Variants in WWC2 observed in about 807,000 individuals in gnomAD.
The protein encoded by WWC2 is protein WWC2.
Under a neutral mutation model 138.5 loss-of-function variants are expected in WWC2, and 101 were observed. That is an observed-to-expected ratio of 0.73 (90% CI 0.62 to 0.86). The LOEUF (loss-of-function observed/expected upper bound fraction) is 0.86. Ranked by LOEUF, WWC2 falls within the 40% of genes least tolerant of loss-of-function variation. The probability of loss-of-function intolerance (pLI) is 0.00; values close to 1 mark genes in which losing one functional copy is unlikely to be tolerated. For missense variants in WWC2, 1,420 were observed against 1,419.4 expected (o/e 1.00, Z -0.01); for synonymous variants, 558 against 538.4 (o/e 1.04, Z -0.50).
At chr4:183,107,188 GTC>G (rs1421339233) in intron 1 of WWC2, among the ~76,000 whole-genome samples, 1 of 151,396 alleles carries the variant, frequency 6.6e-6, no homozygotes, top group Non-Finnish European at 1.5e-5. Flanking sequence ...GACGGAGCCG[GTC>G]TCTCTTGCCC....
intron 21 of WWC2, among the ~76,000 whole-genome samples, chr4:183,312,028 CTA>C (rs1739267002): frequency 6.6e-6 from 1 of 152,284 alleles, no homozygotes; most frequent in Non-Finnish European, 1.5e-5. Flanking sequence ...GGAAACAGTG[CTA>C]TGAGTAATTT....
intron 1 of WWC2, among the ~76,000 whole-genome samples, chr4:183,164,347 ATT>A (rs1561443903): frequency 0.011 from 4 of 360 alleles, no homozygotes; most frequent in African/African-American, 0.022. Flanking sequence ...ACATATATAT[ATT>A]ATATATACAT....
intron 1 of WWC2, among the ~76,000 whole-genome samples, chr4:183,163,339 T>A (rs1455013106): frequency 6.6e-6 from 1 of 152,098 alleles, no homozygotes; most frequent in African/African-American, 2.4e-5. Context: ...ATCAGTGGAG[T>A]GCAGCTGGAA....
chr4:183,312,582 G>C (rs1739293901), intron 22 of WWC2, 114 bp downstream of exon 22: 1 of 1,448,598 alleles, frequency 6.9e-7, no homozygotes, highest in African/African-American at 1.4e-5. Flanking sequence ...GAAGTCCTCT[G>C]TTCTCTACCT....
chr4:183,178,634 C>T (rs987972597), intron 1 of WWC2, among the ~76,000 whole-genome samples: 4 of 151,400 alleles, frequency 2.6e-5, no homozygotes, highest in African/African-American at 7.3e-5. Flanking sequence ...GCACCAGATA[C>T]TTCCCCACAA....
In WWC2 at chr4:183,320,107, G is replaced by T. The variant is rs774234870; in HGVS notation, c.*4378G>T. 10 of 1,614,144 alleles carry T rather than the reference G, an allele frequency of 6.2e-6. No homozygotes were observed. Among genetic ancestry groups the T allele is most frequent in the Non-Finnish European group, 7.6e-6 (9 of 1,180,024 alleles). The stretch of plus-strand genomic sequence containing the variant: ...CAGTTTTCCATTTCATTTAAGTCCA[G>T]GTTGAGGTTCTTCCAGTGTGGCAGG... On this transcript the variant is annotated 3_prime_UTR_variant, in exon 23 of 23. Transcript: ENST00000403733.
At chr4:183,313,185 G>A (rs532639626) in intron 22 of WWC2, among the ~76,000 whole-genome samples, 31 of 152,334 alleles carry the variant, frequency 2.0e-4, no homozygotes, top group African/African-American at 7.2e-4. Flanking sequence ...AAGCTCTGGC[G>A]CATGGGGAGT....
intron 4 of WWC2, among the ~76,000 whole-genome samples, chr4:183,234,783 T>G (rs1011804878): frequency 6.6e-6 from 1 of 152,206 alleles, no homozygotes; most frequent in African/African-American, 2.4e-5. Context: ...AAAGCACTTA[T>G]GAACTTAGCT....
chr4:183,222,466 G>T (rs980256680), intron 4 of WWC2, among the ~76,000 whole-genome samples: 2 of 151,810 alleles, frequency 1.3e-5, no homozygotes, highest in African/African-American at 2.4e-5. Flanking sequence ...CTTTTATCAA[G>T]AAATATAGTG....
intron 1 of WWC2, among the ~76,000 whole-genome samples, chr4:183,180,414 C>G (rs996601312): frequency 1.3e-5 from 2 of 152,052 alleles, no homozygotes; most frequent in Non-Finnish European, 2.9e-5. Flanking sequence ...GTTTAGTATT[C>G]GTAGAATACT....
intron 2 of WWC2, among the ~76,000 whole-genome samples, chr4:183,196,853 G>C (rs1179880695): frequency 1.3e-5 from 2 of 152,106 alleles, no homozygotes; most frequent in East Asian, 3.9e-4. Flanking sequence ...CCACCTCACA[G>C]GTCCCCGTCC....
intron 20 of WWC2, 138 bp from the exon 21 acceptor site, chr4:183,289,255 C>G (rs966415413): frequency 6.1e-5 from 79 of 1,295,566 alleles, no homozygotes; most frequent in Non-Finnish European, 7.7e-5. Context: ...TGGGCCAGAG[C>G]GAGTTGCTCC....
At chr4:183,117,073 C>A (rs903901502) in intron 1 of WWC2, among the ~76,000 whole-genome samples, 1 of 152,062 alleles carries the variant, frequency 6.6e-6, no homozygotes, top group Non-Finnish European at 1.5e-5. Flanking sequence ...TTCTGTGGAA[C>A]CATCTCCTTT....
intron 1 of WWC2, among the ~76,000 whole-genome samples, chr4:183,156,919 CAT>C (rs1733823114): frequency 6.6e-6 from 1 of 152,176 alleles, no homozygotes; most frequent in Admixed American, 6.5e-5. Flanking sequence ...TATACACACA[CAT>C]ACATCTCTTC....
At position 183,320,206 on chromosome 4, in the gene WWC2, A is replaced by G. The variant is rs1221419096; in HGVS notation, c.*4477A>G. On this transcript the variant is annotated 3_prime_UTR_variant, in exon 23 of 23. Coordinates refer to ENST00000403733, the MANE Select transcript of WWC2 (RefSeq NM_024949.6). ...CCAGCTAGTTGAGCTACAGTTCTAA[A>G]TACTAAAGCCATTATAATGTCCTGA... 3.7e-6 allele frequency: 6 copies of G among 1,613,456 alleles called. No individual in the cohort carries two copies. The highest frequency in any genetic ancestry group is 2.2e-5 in the East Asian group (1 of 44,888).
At chr4:183,282,614 G>T (rs1263941417) in intron 17 of WWC2, 94 bp from the exon 18 acceptor site, 1 of 1,275,254 alleles carries the variant, frequency 7.8e-7, no homozygotes, top group Non-Finnish European at 1.1e-6. Context: ...GTGTGAGTCT[G>T]TTTATTTCCC....
chr4:183,284,177 ATGTTTAC>A, intron 18 of WWC2, 42 bp from the exon 19 acceptor site: 1 of 1,597,596 alleles, frequency 6.3e-7, no homozygotes, highest in Non-Finnish European at 8.6e-7. Context: ...AAGGAGCATA[ATGTTTAC>A]ACATCTTTCA....
At chr4:183,186,372 C>T (rs1017369180) in intron 1 of WWC2, among the ~76,000 whole-genome samples, 10 of 152,108 alleles carry the variant, frequency 6.6e-5, no homozygotes, top group African/African-American at 2.2e-4. Context: ...AGAGTGTATT[C>T]GTGAAGTAAC....
intron 4 of WWC2, among the ~76,000 whole-genome samples, chr4:183,228,330 G>T (rs1229959033): frequency 6.6e-6 from 1 of 152,046 alleles, no homozygotes; most frequent in Non-Finnish European, 1.5e-5. Flanking sequence ...CATAGTGAGA[G>T]ATTCCAATAT....
Sources: allele counts gnomAD v4.1 joint callset (sites outside exome capture counted in the v4.1 genomes callset), GRCh38; gene constraint gnomAD v4.1.1; transcripts MANE v1.5; gene names NCBI Gene and HGNC (gene_info 2026-07-23, HGNC 2026-07-21).